CNTNAP2: variants seen among roughly 807,000 people sequenced by gnomAD.
The protein encoded by CNTNAP2 is contactin-associated protein-like 2.
A neutral mutation model predicts 155.2 loss-of-function variants in CNTNAP2; 98 were observed. That is an observed-to-expected ratio of 0.63 (90% CI 0.54 to 0.75). The LOEUF (loss-of-function observed/expected upper bound fraction) is 0.75, where lower values mean the gene tolerates loss of function less well. CNTNAP2 is among the 30% of genes least tolerant of loss of function. CNTNAP2 has a pLI of 0.00. For synonymous variants in CNTNAP2, 651 were observed against 631.2 expected, an observed-to-expected ratio of 1.03 and a Z score of -0.47; for missense variants, 1,727 against 1,688.1, an observed-to-expected ratio of 1.02 and a Z score of -0.40.
At chr7:147,453,760 C>G (rs1408773766) in intron 10 of CNTNAP2, among the ~76,000 whole-genome samples, 1 of 152,028 alleles carries the variant, frequency 6.6e-6, no homozygotes, top group African/African-American at 2.4e-5. Flanking sequence ...AGTAACAAAC[C>G]TGCACTTGTA....
chr7:146,866,189 A>G (rs1795201302), intron 3 of CNTNAP2, among the ~76,000 whole-genome samples: 1 of 152,142 alleles, frequency 6.6e-6, no homozygotes, highest in African/African-American at 2.4e-5. Context: ...CTTCAGGTTG[A>G]TGTATCTAAA....
At chr7:148,057,191 C>T (rs1803032840) in intron 15 of CNTNAP2, among the ~76,000 whole-genome samples, 1 of 152,082 alleles carries the variant, frequency 6.6e-6, no homozygotes, top group Non-Finnish European at 1.5e-5. Flanking sequence ...GTCGTAAACC[C>T]TCAGATAGTA....
chr7:147,115,961 T>C (rs1800978951), intron 5 of CNTNAP2, among the ~76,000 whole-genome samples: 1 of 152,294 alleles, frequency 6.6e-6, no homozygotes, highest in South Asian at 2.1e-4. Context: ...CTACCTTCAA[T>C]GTTTGAAGTT....
chr7:146,325,895 A>C (rs1563039525), intron 1 of CNTNAP2, among the ~76,000 whole-genome samples: 1 of 152,194 alleles, frequency 6.6e-6, no homozygotes, highest in Non-Finnish European at 1.5e-5. Context: ...ATGTTTATTA[A>C]GATGTTGTCT....
chr7:147,483,648 G>T (rs1363096724), intron 10 of CNTNAP2, among the ~76,000 whole-genome samples: 1 of 152,044 alleles, frequency 6.6e-6, no homozygotes, highest in Non-Finnish European at 1.5e-5. Context: ...ATATTAACCC[G>T]CAATAATTTA....
At chr7:147,638,578 A>G (rs753450357) in intron 12 of CNTNAP2, among the ~76,000 whole-genome samples, 1 of 152,214 alleles carries the variant, frequency 6.6e-6, no homozygotes, top group East Asian at 1.9e-4. Flanking sequence ...GAACATTTCA[A>G]TAGCAGAGAA....
intron 13 of CNTNAP2, among the ~76,000 whole-genome samples, chr7:147,894,980 T>G (rs1799754893): frequency 8.2e-6 from 1 of 121,778 alleles, no homozygotes; most frequent in South Asian, 3.0e-4. Context: ...TTTTTTTTTT[T>G]TTTTTTTTGA....
chr7:146,443,357 C>A (rs1176263004), intron 1 of CNTNAP2, among the ~76,000 whole-genome samples: 1 of 151,986 alleles, frequency 6.6e-6, no homozygotes, highest in Non-Finnish European at 1.5e-5. Context: ...ATGGTAATTG[C>A]ATAATCGTAT....
chr7:146,580,595 T>C (rs914782991), intron 1 of CNTNAP2, among the ~76,000 whole-genome samples: 1 of 152,076 alleles, frequency 6.6e-6, no homozygotes, highest in East Asian at 1.9e-4. Flanking sequence ...TCTGCCTATT[T>C]CATTATTTCT....
chr7:148,250,068 C>A (rs992192238), intron 20 of CNTNAP2, among the ~76,000 whole-genome samples: 2 of 152,206 alleles, frequency 1.3e-5, no homozygotes, highest in Non-Finnish European at 2.9e-5. Context: ...GCCCCGTGAC[C>A]CTCCCCTTTT....
At chr7:148,249,239 C>T (rs1266706232) in intron 20 of CNTNAP2, among the ~76,000 whole-genome samples, 1 of 152,194 alleles carries the variant, frequency 6.6e-6, no homozygotes, top group Non-Finnish European at 1.5e-5. Context: ...ACCTTCTCAC[C>T]ACCAAACCCA....
chr7:147,201,740 A>T (rs1217774000), intron 8 of CNTNAP2, among the ~76,000 whole-genome samples: 1 of 152,196 alleles, frequency 6.6e-6, no homozygotes, highest in Non-Finnish European at 1.5e-5. Context: ...AAATCAGTGC[A>T]GGGCAAAATG....
Position 146,949,202 on chromosome 7 carries a change from GC to G in CNTNAP2, c.403-94703del, listed in dbSNP as rs373479194. On this transcript the variant is annotated intron_variant, in intron 3 of 23. Transcript: ENST00000361727. ...GAAAGCCAATCAAAGCATATATAAA[GC>G]CTAGATGGGCACATATTTTTTATTG... Among the ~76,000 whole-genome samples the G allele has an allele frequency of 4.6e-3, 704 of 152,190 alleles. 6 individuals are homozygous for G. The highest frequency in any genetic ancestry group is 0.016 in the African/African-American group (665 of 41,540).
At chr7:147,525,217 ATAT>A (rs1449936683) in intron 11 of CNTNAP2, among the ~76,000 whole-genome samples, 2 of 152,244 alleles carry the variant, frequency 1.3e-5, no homozygotes, top group African/African-American at 2.4e-5. Flanking sequence ...TGTTATAATA[ATAT>A]TGTTGATGTC....
intron 11 of CNTNAP2, among the ~76,000 whole-genome samples, chr7:147,525,531 C>T (rs1006157005): frequency 2.0e-5 from 3 of 152,040 alleles, no homozygotes; most frequent in South Asian, 2.1e-4. Context: ...AATGGTTGGG[C>T]GTGTCCAGAG....
intron 2 of CNTNAP2, among the ~76,000 whole-genome samples, chr7:146,801,089 T>C (rs1802868909): frequency 6.6e-6 from 1 of 152,168 alleles, no homozygotes; most frequent in South Asian, 2.1e-4. Context: ...GGCACCAGCA[T>C]CTTCTCAGCT....
At position 146,223,238 on chromosome 7, in the gene CNTNAP2, G is replaced by A. The variant is rs753761975; in HGVS notation, c.97+106265G>A. On this transcript the variant is annotated intron_variant, in intron 1 of 23. Coordinates refer to ENST00000361727, the MANE Select transcript of CNTNAP2 (RefSeq NM_014141.6). Reference sequence around the variant, plus strand: ...GAAACTAGCCAGTCTGTAGAGACTCGCATATTTCATGCCAAGATGTTTGGA... The same window carrying A: ...GAAACTAGCCAGTCTGTAGAGACTCACATATTTCATGCCAAGATGTTTGGA... Among the ~76,000 whole-genome samples, 10 of 152,148 alleles carry A rather than the reference G, an allele frequency of 6.6e-5. No individual in the cohort carries two copies. The East Asian group carries it at 1.4e-3, about 21-fold the overall frequency.
intron 3 of CNTNAP2, among the ~76,000 whole-genome samples, chr7:146,995,288 G>A (rs1316795445): frequency 6.6e-6 from 1 of 152,034 alleles, no homozygotes; most frequent in Non-Finnish European, 1.5e-5. Flanking sequence ...AATAGACGCT[G>A]TAATAAAAAT....
chr7:146,976,113 G>A (rs1204903545), intron 3 of CNTNAP2, among the ~76,000 whole-genome samples: 1 of 152,174 alleles, frequency 6.6e-6, no homozygotes, highest in Non-Finnish European at 1.5e-5. Context: ...TTGGAGATTT[G>A]TTAATTCAAG....
Sources: gnomAD v4.1 joint callset for allele counts (sites outside exome capture counted in the v4.1 genomes callset) on GRCh38, gnomAD v4.1.1 for gene constraint, MANE v1.5 for transcripts, NCBI Gene and HGNC (gene_info 2026-07-23, HGNC 2026-07-21) for gene names.